Variants in MCC observed in about 807,000 individuals in gnomAD.
The protein encoded by MCC is MCC regulator of Wnt signaling pathway, also known as colorectal mutant cancer protein.
A neutral mutation model predicts 116.2 loss-of-function variants in MCC; 90 were observed. The observed-to-expected ratio is 0.77, with a 90% CI of 0.65 to 0.92. The LOEUF is 0.92. Ranked by LOEUF, MCC falls within the 40% of genes least tolerant of loss-of-function variation. The probability of loss-of-function intolerance (pLI) is 0.00; values close to 1 mark genes in which losing one functional copy is unlikely to be tolerated. For missense variants in MCC, 1,516 were observed against 1,312.2 expected (o/e 1.16, Z -2.40); for synonymous variants, 578 against 510.5 (o/e 1.13, Z -1.78).
chr5:113,106,944 C>T (rs531842085), intron 6 of MCC, among the ~76,000 whole-genome samples: 2 of 152,210 alleles, frequency 1.3e-5, no homozygotes, highest in Non-Finnish European at 2.9e-5. Flanking sequence ...CACCTCCTCC[C>T]TTACCCATTC....
At chr5:113,208,760 C>T (rs1374713066) in intron 3 of MCC, among the ~76,000 whole-genome samples, 1 of 152,122 alleles carries the variant, frequency 6.6e-6, no homozygotes, top group Non-Finnish European at 1.5e-5. Context: ...TTCTTAAATG[C>T]TTTAGAGAGA....
At chr5:113,129,670 C>T (rs1193553210) in intron 5 of MCC, among the ~76,000 whole-genome samples, 1 of 152,172 alleles carries the variant, frequency 6.6e-6, no homozygotes, top group African/African-American at 2.4e-5. Flanking sequence ...AAAAAGTGGG[C>T]AAAGGATATG....
chr5:113,134,268 G>T (rs1758653699), intron 5 of MCC, among the ~76,000 whole-genome samples: 2 of 152,074 alleles, frequency 1.3e-5, no homozygotes, highest in African/African-American at 2.4e-5. Context: ...TTGGTGTCTG[G>T]TTTCATTCTT....
chr5:113,041,188 A>T (rs1234558597), intron 17 of MCC, among the ~76,000 whole-genome samples: 1 of 152,206 alleles, frequency 6.6e-6, no homozygotes, highest in Admixed American at 6.5e-5. Flanking sequence ...TCAGGAAGGT[A>T]GTGAAGTTCC....
intron 17 of MCC, among the ~76,000 whole-genome samples, chr5:113,034,113 T>G (rs1751157152): frequency 6.7e-6 from 1 of 148,226 alleles, no homozygotes; most frequent in Non-Finnish European, 1.5e-5. Context: ...TTGCCCAGGC[T>G]GGTTGCAAAC....
In MCC at chr5:113,119,597, T is replaced by C. The variant is rs913509820; in HGVS notation, c.1027+3087A>G. Among the ~76,000 whole-genome samples, 4 of 152,198 alleles carry C rather than the reference T, an allele frequency of 2.6e-5. No individual in the cohort carries two copies. The South Asian group carries it at 8.3e-4, about 31-fold the overall frequency. ...GCGTGCTGAGGAAGCTAGAAGTCAC[T>C]CTAGGCTTGAAGGATTTGAGGGTGG... On this transcript the variant is annotated intron_variant, in intron 6 of 18. Transcript: ENST00000408903.
At position 113,101,747 on chromosome 5, in the gene MCC, G is replaced by A. The variant is rs765775331; in HGVS notation, c.1390C>T (p.Arg464Trp). The A allele has an allele frequency of 1.3e-5, 21 of 1,612,910 alleles. No homozygotes were observed. The highest frequency in any genetic ancestry group is 2.2e-5 in the East Asian group (1 of 44,866). Residue 464 changes from arginine to tryptophan, a missense_variant, in exon 8 of 19, where the codon CGG becomes TGG. By Grantham distance (101) the Arg-to-Trp change is moderately radical. Coordinates refer to ENST00000408903, the MANE Select transcript of MCC (RefSeq NM_001085377.2). ...NAIREERDRLRRRVRELQTRL... is the reference protein window; with the variant it reads ...NAIREERDRLWRRVRELQTRL... ...GGATGCAGCATGCTCACCCTCCTCC[G>A]GAGCCGGTCCCGCTCTTCCCGGATG...
At chr5:113,087,214 T>G (rs1334164757) in intron 8 of MCC, among the ~76,000 whole-genome samples, 1 of 152,180 alleles carries the variant, frequency 6.6e-6, no homozygotes, top group Non-Finnish European at 1.5e-5. Flanking sequence ...TAATTGAAAT[T>G]TCAATAATTC....
intron 3 of MCC, among the ~76,000 whole-genome samples, chr5:113,210,223 ACT>A (rs34809278): frequency 0.47 from 70,871 of 151,776 alleles, 20,328 homozygotes; most frequent in East Asian, 0.66. Context: ...CAGAGAAGTG[ACT>A]CTAACCAGGA....
chr5:113,067,461 GAA>G (rs1753702286), intron 13 of MCC, among the ~76,000 whole-genome samples: 5 of 152,202 alleles, frequency 3.3e-5, no homozygotes, highest in Admixed American at 3.3e-4. Flanking sequence ...CCAACATGGT[GAA>G]ACTGTCTCCA....
chr5:113,247,061 T>C (rs1281443521), intron 3 of MCC, among the ~76,000 whole-genome samples: 1 of 152,192 alleles, frequency 6.6e-6, no homozygotes, highest in Non-Finnish European at 1.5e-5. Flanking sequence ...CCTCAAATGG[T>C]TTATGACAAA....
intron 3 of MCC, among the ~76,000 whole-genome samples, chr5:113,260,187 G>A (rs925808338): frequency 2.0e-5 from 3 of 152,022 alleles, no homozygotes; most frequent in African/African-American, 7.2e-5. Context: ...ACCCTAAAGA[G>A]TTCTTGTTAT....
intron 3 of MCC, among the ~76,000 whole-genome samples, chr5:113,199,477 G>C (rs1468222181): frequency 6.6e-6 from 1 of 152,144 alleles, no homozygotes; most frequent in Non-Finnish European, 1.5e-5. Context: ...CCTGAAACTG[G>C]ACACAAAATT....
Position 113,031,762 on chromosome 5 carries a change from C to A in MCC, c.2757-2706G>T, listed in dbSNP as rs376460055. Among the ~76,000 whole-genome samples, 57 of 152,202 alleles carry A rather than the reference C, an allele frequency of 3.7e-4. 2 individuals are homozygous for A. The South Asian group carries it at 0.011, about 28-fold the overall frequency. On this transcript the variant is annotated intron_variant, in intron 17 of 18. Transcript: ENST00000408903. ...TTCCACAAGACAAAACGCTTCCTTCCCCAGCACCCAGGCCCTCAGGGGACC... is the reference window on the plus strand; with the variant it reads ...TTCCACAAGACAAAACGCTTCCTTCACCAGCACCCAGGCCCTCAGGGGACC...
At chr5:113,105,663 A>G (rs761270238) in intron 6 of MCC, among the ~76,000 whole-genome samples, 33 of 151,998 alleles carry the variant, frequency 2.2e-4, no homozygotes, top group Non-Finnish European at 4.4e-4. Flanking sequence ...TTATCCTCAA[A>G]CTGACCTCTT....
At chr5:113,276,802 C>A (rs1006138448) in intron 3 of MCC, among the ~76,000 whole-genome samples, 2 of 140,186 alleles carry the variant, frequency 1.4e-5, no homozygotes, top group Non-Finnish European at 1.5e-5. Flanking sequence ...AATTTTTCTT[C>A]TTATTTTTTT....
At chr5:113,274,903 G>C (rs1765767595) in intron 3 of MCC, among the ~76,000 whole-genome samples, 2 of 152,142 alleles carry the variant, frequency 1.3e-5, no homozygotes, top group Admixed American at 1.3e-4. Flanking sequence ...TGTTTGCACT[G>C]AATGACATTT....
At chr5:113,293,781 T>C (rs77829917) in intron 3 of MCC, among the ~76,000 whole-genome samples, 4,859 of 152,174 alleles carry the variant, frequency 0.032, 116 homozygotes, top group Middle Eastern at 0.048. Flanking sequence ...GGCTTTGAAG[T>C]GCTTTCTCCC....
intron 8 of MCC, among the ~76,000 whole-genome samples, chr5:113,095,981 G>C (rs1471075045): frequency 6.6e-6 from 1 of 152,208 alleles, no homozygotes; most frequent in Non-Finnish European, 1.5e-5. Context: ...CACTGGGCCA[G>C]GCAGTGCCTC....
Sources: gnomAD v4.1 joint callset for allele counts (sites outside exome capture counted in the v4.1 genomes callset) on GRCh38, gnomAD v4.1.1 for gene constraint, MANE v1.5 for transcripts, NCBI Gene and HGNC (gene_info 2026-07-23, HGNC 2026-07-21) for gene names.